Variants in TMEM266 observed in about 807,000 individuals in gnomAD.
The protein encoded by TMEM266 is transmembrane protein 266, also known as Hv1 related protein 1.
Under a neutral mutation model 50.5 loss-of-function variants are expected in TMEM266, and 33 were observed. That is an observed-to-expected ratio of 0.65 (90% CI 0.50 to 0.87). The LOEUF is 0.87. Ranked by LOEUF, TMEM266 falls within the 40% of genes least tolerant of loss-of-function variation. The probability of loss-of-function intolerance (pLI) is 0.00; values close to 1 mark genes in which losing one functional copy is unlikely to be tolerated. For synonymous variants in TMEM266, 310 were observed against 292.3 expected (o/e 1.06, Z -0.62); for missense variants, 655 against 695.1 (o/e 0.94, Z 0.65).
At chr15:76,199,100 A>G (rs2038700715) in intron 9 of TMEM266, among the ~76,000 whole-genome samples, 1 of 152,234 alleles carries the variant, frequency 6.6e-6, no homozygotes. Context: ...AGGACTGGTC[A>G]CAGGGCCAGG....
chr15:76,192,112 G>A lies in TMEM266; in HGVS notation c.913G>A (p.Glu305Lys). ...DEETAAESVV[E>K]ELQPSQEATM... Reference sequence around the variant, plus strand: ...GTTGGAGGCCGGCACGTGGGACGAGGAGACGGCGGCCGAGAGCGTCGTGGA... The same window carrying A: ...GTTGGAGGCCGGCACGTGGGACGAGAAGACGGCGGCCGAGAGCGTCGTGGA... Residue 305 changes from glutamate to lysine, a missense_variant, in exon 9 of 11, where the codon GAG becomes AAG. By Grantham distance (56) the Glu-to-Lys change is moderately conservative. Coordinates refer to ENST00000388942, the MANE Select transcript of TMEM266 (RefSeq NM_152335.3). 7.0e-7 allele frequency: 1 copy of A among 1,420,300 alleles called. No homozygotes were observed. Among genetic ancestry groups the A allele is most frequent in the African/African-American group, 1.5e-5 (1 of 66,182 alleles). The allele number at this position is 1,420,300 out of a possible 1,614,324, so 88.0% of individuals were successfully genotyped here. A position where few individuals can be genotyped will look rare whatever the true frequency, so the allele number is the denominator to read the frequency against.
chr15:76,069,905 A>G (rs1290191286), intron 1 of TMEM266, among the ~76,000 whole-genome samples: 2 of 152,170 alleles, frequency 1.3e-5, no homozygotes, highest in Non-Finnish European at 2.9e-5. Flanking sequence ...ACAACTGTAA[A>G]TACCATTCTC....
rs1436655378 is a variant in TMEM266 at position 76,160,124 on chromosome 15, A to T, written c.412A>T (p.Ile138Phe). ...CAGCGCATTCCAGTTTGCTGGCGTG[A>T]TTCACTGGATCAGCCTGGTCATTCT... is the stretch of plus-strand genomic sequence containing the variant. The change falls in exon 5 of 11, where the codon ATT becomes TTT. Residue 138 changes from isoleucine to phenylalanine, a missense_variant. This residue lies in a region of TMEM266 where 101 missense variants were observed against 182.6 expected (regional missense o/e 0.55). Coordinates refer to ENST00000388942, the MANE Select transcript of TMEM266 (RefSeq NM_152335.3). The surrounding 1 kb of genome is among the most constrained non-coding windows in gnomAD (Gnocchi z 5.7). 6.2e-7 allele frequency: 1 copy of T among 1,614,172 alleles called. No homozygotes were observed. The highest frequency in any genetic ancestry group is 1.7e-5 in the Admixed American group (1 of 60,018).
intron 8 of TMEM266, among the ~76,000 whole-genome samples, chr15:76,188,691 A>G (rs1417414584): frequency 6.6e-6 from 1 of 152,222 alleles, no homozygotes; most frequent in Non-Finnish European, 1.5e-5. Context: ...ACCACCCCCA[A>G]GATTCAATCA....
intron 1 of TMEM266, among the ~76,000 whole-genome samples, chr15:76,118,485 G>T (rs2037287518): frequency 6.6e-6 from 1 of 152,160 alleles, no homozygotes; most frequent in Non-Finnish European, 1.5e-5. Flanking sequence ...CTTGAACCTG[G>T]GAGGCAGAGA....
At chr15:76,174,686 C>G (rs1044057231) in intron 7 of TMEM266, among the ~76,000 whole-genome samples, 1 of 152,228 alleles carries the variant, frequency 6.6e-6, no homozygotes, top group African/African-American at 2.4e-5. Context: ...ATGTCCACCT[C>G]AGCCCTAGGC....
At chr15:76,090,375 C>G (rs1191083369) in intron 1 of TMEM266, among the ~76,000 whole-genome samples, 1 of 151,330 alleles carries the variant, frequency 6.6e-6, no homozygotes, top group Non-Finnish European at 1.5e-5. Flanking sequence ...ACCTGCAATC[C>G]CAGCTGCTCA....
intron 10 of TMEM266, among the ~76,000 whole-genome samples, chr15:76,203,221 A>G (rs2038778673): frequency 6.6e-6 from 1 of 152,126 alleles, no homozygotes; most frequent in Non-Finnish European, 1.5e-5. Flanking sequence ...AGACCATGGA[A>G]CCCAAGTTCC....
chr15:76,077,655 C>T (rs1198112469), intron 1 of TMEM266, among the ~76,000 whole-genome samples: 1 of 152,018 alleles, frequency 6.6e-6, no homozygotes, highest in South Asian at 2.1e-4. Context: ...GTGGCAGCAA[C>T]GTGACCGTGG....
At chr15:76,201,603 T>C (rs748292275) in intron 9 of TMEM266, among the ~76,000 whole-genome samples, 2 of 152,150 alleles carry the variant, frequency 1.3e-5, no homozygotes, top group Non-Finnish European at 2.9e-5. Context: ...CCCTTTCTGT[T>C]ATTTGCTCAG....
intron 8 of TMEM266, chr15:76,176,308 C>T (rs945025474): frequency 2.0e-5 from 3 of 153,386 alleles, no homozygotes; most frequent in African/African-American, 7.2e-5. Context: ...CCCTCAGTTC[C>T]TTCCTCTGTA....
chr15:76,120,833 A>G (rs1003556250), intron 1 of TMEM266, among the ~76,000 whole-genome samples: 4 of 151,796 alleles, frequency 2.6e-5, no homozygotes, highest in Non-Finnish European at 5.9e-5. Context: ...TTGCATGCAT[A>G]TGTATATTAA....
intron 3 of TMEM266, among the ~76,000 whole-genome samples, chr15:76,151,960 GGTT>G (rs1016235687): frequency 5.3e-5 from 8 of 152,200 alleles, no homozygotes; most frequent in African/African-American, 1.7e-4. Context: ...CTCCCGCAGA[GGTT>G]GTTGTTCAGG....
At chr15:76,186,084 A>G (rs920889865) in intron 8 of TMEM266, among the ~76,000 whole-genome samples, 1 of 152,016 alleles carries the variant, frequency 6.6e-6, no homozygotes, top group Admixed American at 6.6e-5. Flanking sequence ...GGGCTGAGTC[A>G]CTTCCATCTT....
chr15:76,199,206 C>T (rs1035625354), intron 9 of TMEM266, among the ~76,000 whole-genome samples: 12 of 152,128 alleles, frequency 7.9e-5, no homozygotes, highest in East Asian at 3.9e-4. Context: ...AAGATGGAGG[C>T]GGATGGAGAA....
At chr15:76,071,508 A>G (rs1387344170) in intron 1 of TMEM266, among the ~76,000 whole-genome samples, 2 of 152,130 alleles carry the variant, frequency 1.3e-5, no homozygotes, top group African/African-American at 4.8e-5. Context: ...CCCAGCCAAG[A>G]GTGAGGGCTC....
intron 1 of TMEM266, among the ~76,000 whole-genome samples, chr15:76,132,063 T>C (rs2037516470): frequency 6.6e-6 from 1 of 152,166 alleles, no homozygotes; most frequent in African/African-American, 2.4e-5. Context: ...GACTTCTAGA[T>C]GGTACTGTAG....
intron 1 of TMEM266, among the ~76,000 whole-genome samples, chr15:76,116,693 C>T (rs1383737700): frequency 6.6e-6 from 1 of 152,134 alleles, no homozygotes; most frequent in Non-Finnish European, 1.5e-5. Context: ...TCTAGGACAA[C>T]AGGAAAAGTC....
intron 1 of TMEM266, among the ~76,000 whole-genome samples, chr15:76,094,928 G>T (rs1319090081): frequency 6.6e-6 from 1 of 152,006 alleles, no homozygotes; most frequent in Non-Finnish European, 1.5e-5. Flanking sequence ...TGTTATTGGT[G>T]TATAGAAATG....
Sources: allele counts gnomAD v4.1 joint callset (sites outside exome capture counted in the v4.1 genomes callset), GRCh38; gene constraint gnomAD v4.1.1; regional missense constraint gnomAD v4.1.1; non-coding constraint Gnocchi (gnomAD v3.1); transcripts MANE v1.5; gene names NCBI Gene and HGNC (gene_info 2026-07-23, HGNC 2026-07-21).